BAG3: variants seen among roughly 807,000 people sequenced by gnomAD.
BAG3 encodes BAG family molecular chaperone regulator 3.
A neutral mutation model predicts 40.5 loss-of-function variants in BAG3; 14 were observed. That is an observed-to-expected ratio of 0.35 (90% CI 0.23 to 0.54). The LOEUF (loss-of-function observed/expected upper bound fraction) is 0.54. Among genes scored for constraint, BAG3 ranks in the 20% least tolerant of loss-of-function variants. BAG3 has a pLI of 0.91. For synonymous variants in BAG3, 302 were observed against 307.8 expected, an observed-to-expected ratio of 0.98 and a Z score of 0.20; for missense variants, 788 against 758.6, an observed-to-expected ratio of 1.04 and a Z score of -0.46.
chr10:119,656,377 T>C (rs1589622068), intron 1 of BAG3, among the ~76,000 whole-genome samples: 1 of 144,408 alleles, frequency 6.9e-6, no homozygotes, highest in South Asian at 2.2e-4. Flanking sequence ...CAGCTGGCCT[T>C]CTTTTTTTTT....
chr10:119,676,594 A>G lies in BAG3; in HGVS notation c.1040A>G (p.Asp347Gly). 1.2e-6 allele frequency: 2 copies of G among 1,614,108 alleles called. No individual in the cohort carries two copies. The highest frequency in any genetic ancestry group is 1.7e-6 in the Non-Finnish European group (2 of 1,180,028). The change falls in exon 4 of 4, where the codon GAT (aspartate) becomes GGT (glycine). Residue 347 changes from aspartate to glycine, a missense_variant. Physicochemically the swap from Asp to Gly is moderately conservative, Grantham distance 94 (BLOSUM62 -1). Coordinates refer to ENST00000369085, the MANE Select transcript of BAG3 (RefSeq NM_004281.4). ...IPIQVIRKEV[D>G]SKPVSQKPPP... The stretch of plus-strand genomic sequence containing the variant: ...ATTCAAGTGATCCGCAAAGAGGTGG[A>G]TTCTAAACCTGTTTCCCAGAAGCCC...
At chr10:119,655,067 C>T (rs1215456888) in intron 1 of BAG3, among the ~76,000 whole-genome samples, 1 of 152,226 alleles carries the variant, frequency 6.6e-6, no homozygotes, top group East Asian at 1.9e-4. Flanking sequence ...GCTGCACTGG[C>T]AGTGGGAGCC....
rs1407078318 is a variant in BAG3 at position 119,677,380 on chromosome 10, A to G, written c.*98A>G. 5.4e-6 allele frequency: 8 copies of G among 1,488,150 alleles called. No homozygotes were observed. In the East Asian group the frequency reaches 7.1e-5, roughly 13 times the overall value. The allele number at this position is 1,488,150 out of a possible 1,614,324, so 92.2% of individuals were successfully genotyped here. Reference sequence around the variant, plus strand: ...GACTTTAAGTCAGTTGGTTTTTATTAGCTGCTTGGTATGCAGTAACTTGGG... The same window carrying G: ...GACTTTAAGTCAGTTGGTTTTTATTGGCTGCTTGGTATGCAGTAACTTGGG... On this transcript the variant is annotated 3_prime_UTR_variant, in exon 4 of 4. Transcript: ENST00000369085.
At chr10:119,657,643 C>T in intron 1 of BAG3, 1 of 470,016 alleles carries the variant, frequency 2.1e-6, no homozygotes, top group South Asian at 1.6e-5. Flanking sequence ...TCCCCAGAGG[C>T]CTGCTCCTTT....
rs1428247151 is a variant in BAG3 at position 119,672,292 on chromosome 10, C to T, written c.545C>T (p.Ser182Leu). The T allele has an allele frequency of 5.6e-6, 9 of 1,613,944 alleles. No individual in the cohort carries two copies. The highest frequency in any genetic ancestry group is 7.6e-6 in the Non-Finnish European group (9 of 1,180,022). ...CCAGCTGCCTCTGACTGCTCATCCT[C>T]ATCCTCCTCGGCCAGCCTGCCTTCC... ...QSPAASDCSS[S>L]SSSASLPSSG... The change falls in exon 3 of 4, where the codon TCA becomes TTA. Residue 182 changes from serine to leucine, a missense_variant. Coordinates refer to ENST00000369085, the MANE Select transcript of BAG3 (RefSeq NM_004281.4). This position sits in a 1 kb window ranked among gnomAD's most constrained non-coding sequence, Gnocchi z 4.8.
chr10:119,668,831 G>T (rs544998307), intron 1 of BAG3, among the ~76,000 whole-genome samples: 198 of 152,348 alleles, frequency 1.3e-3, no homozygotes, highest in African/African-American at 4.5e-3. Context: ...TTTATTCGGG[G>T]CCATCAAGAT....
intron 1 of BAG3, among the ~76,000 whole-genome samples, chr10:119,659,317 G>A (rs1319355328): frequency 6.6e-6 from 1 of 152,222 alleles, no homozygotes; most frequent in Non-Finnish European, 1.5e-5. Flanking sequence ...CTCAAGGGGA[G>A]GGTCTCCCTC....
intron 1 of BAG3, among the ~76,000 whole-genome samples, chr10:119,660,486 T>C (rs1375219102): frequency 6.6e-6 from 1 of 152,130 alleles, no homozygotes; most frequent in African/African-American, 2.4e-5. Flanking sequence ...CTCTTAAGAC[T>C]CTCAGATAAA....
intron 1 of BAG3, among the ~76,000 whole-genome samples, chr10:119,666,468 T>C (rs562165159): frequency 6.6e-6 from 1 of 152,278 alleles, no homozygotes. Flanking sequence ...CACAGTCTTG[T>C]GTGCAGACAG....
chr10:119,676,666 T>G lies in BAG3; in HGVS notation c.1112T>G (p.Val371Gly), dbSNP rs1847239932. ...GAGGTGAAAGTTCCCCCTGCTCCAG[T>G]TCCTTGTCCTCCTCCCAGCCCTGGC... ...KVEVKVPPAP[V>G]PCPPPSPGPS... The change falls in exon 4 of 4, where the codon GTT (valine) becomes GGT (glycine). Residue 371 changes from valine to glycine, a missense_variant. Physicochemically the swap from Val to Gly is moderately radical, Grantham distance 109. Transcript: ENST00000369085. 1 of 1,614,026 alleles carries G rather than the reference T, an allele frequency of 6.2e-7. No homozygotes were observed. Among genetic ancestry groups the G allele is most frequent in the Non-Finnish European group, 8.5e-7 (1 of 1,180,028 alleles).
chr10:119,674,691 T>C (rs1847194908), intron 3 of BAG3, among the ~76,000 whole-genome samples: 1 of 152,228 alleles, frequency 6.6e-6, no homozygotes, highest in Non-Finnish European at 1.5e-5. Flanking sequence ...CCAAGCGCAG[T>C]GGCTCACGCC....
intron 3 of BAG3, among the ~76,000 whole-genome samples, chr10:119,674,480 C>T (rs1282420378): frequency 1.3e-5 from 2 of 152,188 alleles, no homozygotes; most frequent in South Asian, 4.1e-4. Context: ...GGTGACCTCC[C>T]TTTTAGAGCT....
At chr10:119,662,226 G>GT (rs869230141) in intron 1 of BAG3, among the ~76,000 whole-genome samples, 183 of 84,088 alleles carry the variant, frequency 2.2e-3, no homozygotes, top group Middle Eastern at 7.0e-3. Flanking sequence ...TTTTTTTTTT[G>GT]TTTTTTTTTT....
intron 1 of BAG3, among the ~76,000 whole-genome samples, chr10:119,656,337 C>G (rs1846909811): frequency 6.6e-6 from 1 of 150,976 alleles, no homozygotes; most frequent in Non-Finnish European, 1.5e-5. Flanking sequence ...GTAGACACCT[C>G]TGATCTGCTT....
At position 119,671,554 on chromosome 10, in the gene BAG3, G is replaced by A. The variant is rs556689810; in HGVS notation, c.508-701G>A. On this transcript the variant is annotated intron_variant, in intron 2 of 3. Coordinates refer to ENST00000369085, the MANE Select transcript of BAG3 (RefSeq NM_004281.4). ...TTCTCTGTAGATTGGCAGAGAAAGGGTAGTGGGGACAACACATCCCTTGTA... is the reference window on the plus strand; with the variant it reads ...TTCTCTGTAGATTGGCAGAGAAAGGATAGTGGGGACAACACATCCCTTGTA... Among the ~76,000 whole-genome samples the A allele has an allele frequency of 3.9e-5, 6 of 152,288 alleles. No individual in the cohort carries two copies. In the East Asian group the frequency reaches 1.2e-3, roughly 29 times the overall value.
chr10:119,674,863 T>C (rs939922271), intron 3 of BAG3, among the ~76,000 whole-genome samples: 2 of 151,450 alleles, frequency 1.3e-5, no homozygotes, highest in Non-Finnish European at 2.9e-5. Flanking sequence ...TAATCCCAGC[T>C]ACTCGGGAGG....
chr10:119,665,641 G>A (rs1231101021), intron 1 of BAG3, among the ~76,000 whole-genome samples: 1 of 152,176 alleles, frequency 6.6e-6, no homozygotes, highest in African/African-American at 2.4e-5. Context: ...AATGATAGTG[G>A]ATGGGAACAT....
chr10:119,669,959 C>G lies in BAG3; in HGVS notation c.289C>G (p.Pro97Ala), dbSNP rs747274078. 6.2e-7 allele frequency: 1 copy of G among 1,614,144 alleles called. No homozygotes were observed. The highest frequency in any genetic ancestry group is 1.3e-5 in the African/African-American group (1 of 74,948). Residue 97 changes from proline (P) to alanine (A), a missense_variant, in exon 2 of 4, where the codon CCT becomes GCT. By Grantham distance (27) the Pro-to-Ala change is conservative. Coordinates refer to ENST00000369085, the MANE Select transcript of BAG3 (RefSeq NM_004281.4). ...PQLRPGYIPI[P>A]VLHEGAENRQ... Reference sequence around the variant, plus strand: ...GCTCCGACCAGGCTACATTCCCATTCCTGTGCTCCATGAAGGCGCTGAGAA... The same window carrying G: ...GCTCCGACCAGGCTACATTCCCATTGCTGTGCTCCATGAAGGCGCTGAGAA...
chr10:119,663,112 A>G (rs903526079), intron 1 of BAG3, among the ~76,000 whole-genome samples: 1 of 152,182 alleles, frequency 6.6e-6, no homozygotes, highest in East Asian at 1.9e-4. Context: ...CTCAGTGTGC[A>G]GGGAGTCAGT....
Sources: allele counts gnomAD v4.1 joint callset (sites outside exome capture counted in the v4.1 genomes callset), GRCh38; gene constraint gnomAD v4.1.1; non-coding constraint Gnocchi (gnomAD v3.1); transcripts MANE v1.5; gene names NCBI Gene and HGNC (gene_info 2026-07-23, HGNC 2026-07-21).